Variants in AFP observed in about 807,000 individuals in gnomAD.
AFP encodes alpha-fetoprotein.
A neutral mutation model predicts 78.9 loss-of-function variants in AFP; 64 were observed. The observed-to-expected ratio is 0.81, with a 90% CI of 0.66 to 1.00. The LOEUF (loss-of-function observed/expected upper bound fraction) is 1.00, where lower values mean the gene tolerates loss of function less well. Ranked by LOEUF, AFP falls within the 50% of genes least tolerant of loss-of-function variation. The pLI, the probability that AFP is intolerant of heterozygous loss-of-function variation, is 0.00. For missense variants in AFP, 689 were observed against 703.8 expected, an observed-to-expected ratio of 0.98 and a Z score of 0.24; for synonymous variants, 254 against 243.8, an observed-to-expected ratio of 1.04 and a Z score of -0.39.
chr4:73,446,690 G>A (rs559011893), intron 7 of AFP, among the ~76,000 whole-genome samples: 3 of 82,468 alleles, frequency 3.6e-5, no homozygotes, highest in African/African-American at 1.3e-4. Flanking sequence ...ATTTCTCGTG[G>A]AGCAGAAAGT....
rs1182636736 is a variant in AFP at position 73,439,923 on chromosome 4, CTG to C, written c.271-665_271-664del. On this transcript the variant is annotated intron_variant, in intron 3 of 14. Coordinates refer to ENST00000395792, the MANE Select transcript of AFP (RefSeq NM_001134.3). ...CATTTATGTCTGAAATGTGGTATGTCTGTGTGTGTGTGTGTATATGTATATAT... is the reference window on the plus strand; with the variant it reads ...CATTTATGTCTGAAATGTGGTATGTCTGTGTGTGTGTGTATATGTATATAT... Among the ~76,000 whole-genome samples, 20 of 75,140 alleles carry C rather than the reference CTG, an allele frequency of 2.7e-4. No homozygotes were observed. In the East Asian group the frequency reaches 3.4e-3, roughly 13 times the overall value. 49.3% of individuals were successfully genotyped at this position (75,140 alleles called of 152,430 possible). A position where few individuals can be genotyped will look rare whatever the true frequency, so the allele number is the denominator to read the frequency against.
chr4:73,443,536 G>T, intron 6 of AFP, 92 bp downstream of exon 6: 1 of 933,134 alleles, frequency 1.1e-6, no homozygotes. Flanking sequence ...TGCTGTTTTA[G>T]AGAATGAAGA....
In AFP at chr4:73,436,272, G is replaced by A; in HGVS notation, c.10G>A (p.Val4Met). The A allele has an allele frequency of 6.2e-7, 1 of 1,600,084 alleles. No homozygotes were observed. The highest frequency in any genetic ancestry group is 8.6e-7 in the Non-Finnish European group (1 of 1,168,672). The change falls in exon 1 of 15, where the codon GTG (valine) becomes ATG (methionine). Residue 4 changes from valine to methionine, a missense_variant. Transcript: ENST00000395792. ...AAAATAACTAGCAACCATGAAGTGG[G>A]TGGAATCAATTTTTTTAATTTTCCT... Reference protein sequence around the residue: MKWVESIFLIFLLN... With the variant: MKWMESIFLIFLLN...
At chr4:73,437,844 A>G (rs1429542007) in intron 2 of AFP, among the ~76,000 whole-genome samples, 1 of 152,020 alleles carries the variant, frequency 6.6e-6, no homozygotes, top group Non-Finnish European at 1.5e-5. Context: ...CTTAAATTTA[A>G]AAGTAACCAT....
intron 4 of AFP, among the ~76,000 whole-genome samples, chr4:73,441,567 CAAAA>C (rs35201987): frequency 3.1e-5 from 3 of 96,024 alleles, no homozygotes; most frequent in Non-Finnish European, 3.9e-5. Context: ...GACTCCGTCT[CAAAA>C]AAAAAAAAAA....
chr4:73,450,831 G>C, intron 11 of AFP, 78 bp downstream of exon 11: 1 of 1,608,590 alleles, frequency 6.2e-7, no homozygotes, highest in South Asian at 1.1e-5. Context: ...CCCCTCTAGG[G>C]AAGACGGTAA....
In AFP at chr4:73,452,477, C is replaced by G. The variant is rs761323586; in HGVS notation, c.1505C>G (p.Thr502Ser). ...AACCCTGGTGTTGGCCAGTGCTGCACTTCTTCATATGCCAACAGGAGGCCA... is the reference window on the plus strand; with the variant it reads ...AACCCTGGTGTTGGCCAGTGCTGCAGTTCTTCATATGCCAACAGGAGGCCA... Reference protein sequence around the residue: ...PVNPGVGQCCTSSYANRRPCF... With the variant: ...PVNPGVGQCCSSSYANRRPCF... The change falls in exon 12 of 15, where the codon ACT becomes AGT. Residue 502 changes from threonine (T) to serine (S), a missense_variant. Coordinates refer to ENST00000395792, the MANE Select transcript of AFP (RefSeq NM_001134.3). The G allele has an allele frequency of 3.7e-6, 6 of 1,614,118 alleles. No homozygotes were observed. Among genetic ancestry groups the G allele is most frequent in the Non-Finnish European group, 4.2e-6 (5 of 1,179,998 alleles).
At position 73,453,901 on chromosome 4, in the gene AFP, C is replaced by T. The variant is rs764443879; in HGVS notation, c.1785+4C>T. The T allele has an allele frequency of 4.3e-6, 7 of 1,613,356 alleles. No homozygotes were observed. The highest frequency in any genetic ancestry group is 5.9e-6 in the Non-Finnish European group (7 of 1,179,566). On this transcript the variant is annotated splice_donor_region_variant and intron_variant, in intron 13 of 14. Transcript: ENST00000395792. ...GGAAGTCTGCTTTGCTGAAGAGGTACATGCAGCTCATTTCATACTCAAAAT... is the reference window on the plus strand; with the variant it reads ...GGAAGTCTGCTTTGCTGAAGAGGTATATGCAGCTCATTTCATACTCAAAAT...
chr4:73,442,556 C>T (rs531598495), intron 5 of AFP, 128 bp downstream of exon 5: 1 of 1,118,678 alleles, frequency 8.9e-7, no homozygotes, highest in South Asian at 1.3e-5. Context: ...AATAGTTCAG[C>T]AGTCTGATAT....
chr4:73,440,568 T>C (rs1195058729), intron 3 of AFP, 34 bp from the exon 4 acceptor site: 5 of 1,547,836 alleles, frequency 3.2e-6, no homozygotes, highest in African/African-American at 1.4e-5. Flanking sequence ...GCAAAGTTAG[T>C]TGTCTTTCTC....
In AFP at chr4:73,440,735, C is replaced by T. The variant is rs754667512; in HGVS notation, c.404C>T (p.Ser135Leu). 1 of 1,614,028 alleles carries T rather than the reference C, an allele frequency of 6.2e-7. No homozygotes were observed. The part of the protein sequence containing the change: ...FLAHKKPTPA[S>L]IPLFQVPEPV... ...GCACACAAAAAGCCCACTCCAGCAT[C>T]GATCCCACTTTTCCAAGTTCCAGAA... The change falls in exon 4 of 15, where the codon TCG becomes TTG. Residue 135 changes from serine to leucine, a missense_variant. Physicochemically the swap from Ser to Leu is moderately radical, Grantham distance 145. Transcript: ENST00000395792.
Position 73,441,538 on chromosome 4 carries a change from C to A in AFP, c.482+725C>A, listed in dbSNP as rs1040138212. Reference sequence around the variant, plus strand: ...AGCCGAGATTGCGCCACTGCACTCCCGCCGGGGCCACAGAGCGAGACTCCG... The same window carrying A: ...AGCCGAGATTGCGCCACTGCACTCCAGCCGGGGCCACAGAGCGAGACTCCG... On this transcript the variant is annotated intron_variant, in intron 4 of 14. Transcript: ENST00000395792. 3.5e-4 allele frequency among the ~76,000 whole-genome samples: 50 copies of A among 142,158 alleles called. 1 individual carries two copies. The South Asian group carries it at 7.5e-3, about 21-fold the overall frequency. 93.3% of individuals were successfully genotyped at this position (142,158 alleles called of 152,430 possible). A position where few individuals can be genotyped will look rare whatever the true frequency, so the allele number is the denominator to read the frequency against.
Position 73,447,638 on chromosome 4 carries a change from C to T in AFP, c.1020C>T (p.Asn340=). The T allele has an allele frequency of 1.9e-6, 3 of 1,611,564 alleles. No homozygotes were observed. The highest frequency in any genetic ancestry group is 2.5e-6 in the Non-Finnish European group (3 of 1,179,520). The stretch of plus-strand genomic sequence containing the variant: ...GGTTTTTAGGAGATAGAGATTTTAA[C>T]CAATTTTCTTCAGGGGAAAAAAATA... The part of the protein sequence containing the change: ...LNRFLGDRDF[N]QFSSGEKNIF... Residue 340 remains asparagine (N), a synonymous_variant, in exon 8 of 15, where the codon AAC becomes AAT. Transcript: ENST00000395792.
At position 73,451,383 on chromosome 4, in the gene AFP, A is replaced by G. The variant is rs554840787; in HGVS notation, c.1428+630A>G. On this transcript the variant is annotated intron_variant, in intron 11 of 14. Coordinates refer to ENST00000395792, the MANE Select transcript of AFP (RefSeq NM_001134.3). ...GATGAATTAAAAATATTTTTCCTAT[A>G]AAGTCATAATTGCAAACAAAATTGT... Among the ~76,000 whole-genome samples the G allele has an allele frequency of 1.1e-4, 17 of 152,320 alleles. No individual in the cohort carries two copies. In the South Asian group the frequency reaches 2.5e-3, roughly 22 times the overall value.
At chr4:73,447,323 C>G in intron 7 of AFP, 139 bp from the exon 8 acceptor site, 1 of 471,652 alleles carries the variant, frequency 2.1e-6, no homozygotes, top group Non-Finnish European at 3.7e-6. Context: ...TTTCCCCTTC[C>G]TTCTTTCCTG....
chr4:73,445,377 T>G (rs1401297843), intron 7 of AFP, among the ~76,000 whole-genome samples: 4 of 152,224 alleles, frequency 2.6e-5, no homozygotes. Flanking sequence ...CCGTGGGAAC[T>G]TCTCAGAAGG....
At chr4:73,440,955 C>A in intron 4 of AFP, 142 bp downstream of exon 4, 1 of 775,442 alleles carries the variant, frequency 1.3e-6, no homozygotes, top group Non-Finnish European at 2.0e-6. Context: ...AGGTCCCAGA[C>A]AAGGTAATTA....
chr4:73,440,765 T>C lies in AFP; in HGVS notation c.434T>C (p.Val145Ala). The change falls in exon 4 of 15, where the codon GTC (valine) becomes GCC (alanine). Residue 145 changes from valine to alanine, a missense_variant. By Grantham distance (64) the Val-to-Ala change is moderately conservative. Transcript: ENST00000395792. Reference protein sequence around the residue: ...SIPLFQVPEPVTSCEAYEEDR... With the variant: ...SIPLFQVPEPATSCEAYEEDR... Reference sequence around the variant, plus strand: ...CCACTTTTCCAAGTTCCAGAACCTGTCACAAGCTGTGAAGCATATGAAGAA... The same window carrying C: ...CCACTTTTCCAAGTTCCAGAACCTGCCACAAGCTGTGAAGCATATGAAGAA... The C allele has an allele frequency of 6.2e-7, 1 of 1,614,164 alleles. No homozygotes were observed. The highest frequency in any genetic ancestry group is 8.5e-7 in the Non-Finnish European group (1 of 1,180,034).
chr4:73,440,893 C>A, intron 4 of AFP, 80 bp downstream of exon 4: 2 of 1,270,210 alleles, frequency 1.6e-6, no homozygotes, highest in Non-Finnish European at 2.2e-6. Flanking sequence ...TTGCAATGTA[C>A]TCATGTACTC....
Sources: gnomAD v4.1 joint callset for allele counts (sites outside exome capture counted in the v4.1 genomes callset) on GRCh38, gnomAD v4.1.1 for gene constraint, MANE v1.5 for transcripts, NCBI Gene and HGNC (gene_info 2026-07-23, HGNC 2026-07-21) for gene names.